Variants in NRXN1 observed in about 807,000 individuals in gnomAD.
NRXN1 encodes the protein neurexin-1.
Under a neutral mutation model 150.9 loss-of-function variants are expected in NRXN1, and 39 were observed. The ratio of observed to expected loss-of-function variants is 0.26; its 90% CI spans 0.20 to 0.34. NRXN1 has a LOEUF of 0.34. Ranked by LOEUF, NRXN1 falls within the 10% of genes least tolerant of loss-of-function variation. The pLI, the probability that NRXN1 is intolerant of heterozygous loss-of-function variation, is 1.00. For synonymous variants in NRXN1, 924 were observed against 757.0 expected, an observed-to-expected ratio of 1.22 and a Z score of -3.62; for missense variants, 1,815 against 1,949.9, an observed-to-expected ratio of 0.93 and a Z score of 1.30.
chr2:50,956,577 G>C (rs1692319754), intron 2 of NRXN1, among the ~76,000 whole-genome samples: 1 of 151,844 alleles, frequency 6.6e-6, no homozygotes, highest in Non-Finnish European at 1.5e-5. Context: ...GCAAAACCCT[G>C]TCTATACTAA....
intron 17 of NRXN1, among the ~76,000 whole-genome samples, chr2:50,403,571 A>G (rs1209706794): frequency 6.6e-6 from 1 of 152,082 alleles, no homozygotes. Context: ...TACTTGGAGA[A>G]ATTAAATTAG....
At chr2:50,267,561 G>A (rs2152919817) in intron 17 of NRXN1, among the ~76,000 whole-genome samples, 1 of 152,102 alleles carries the variant, frequency 6.6e-6, no homozygotes, top group South Asian at 2.1e-4. Context: ...CATTCTTTGG[G>A]GAGCAAATGT....
chr2:50,005,799 C>T (rs1367640873), intron 21 of NRXN1, among the ~76,000 whole-genome samples: 2 of 152,152 alleles, frequency 1.3e-5, no homozygotes, highest in South Asian at 2.1e-4. Flanking sequence ...TGCATCTTCA[C>T]AATCTTTGCT....
chr2:50,182,186 T>G (rs2060771723), intron 18 of NRXN1, among the ~76,000 whole-genome samples: 1 of 150,156 alleles, frequency 6.7e-6, no homozygotes, highest in Non-Finnish European at 1.5e-5. Context: ...ATAAAGCCAC[T>G]ATCGGTTTGG....
At chr2:50,393,511 A>G (rs913972715) in intron 17 of NRXN1, among the ~76,000 whole-genome samples, 7 of 152,160 alleles carry the variant, frequency 4.6e-5, no homozygotes, top group Admixed American at 3.3e-4. Context: ...TTGGCTGTGG[A>G]AAACAGAAAG....
chr2:50,587,236 A>G (rs1573663156), intron 8 of NRXN1, among the ~76,000 whole-genome samples: 1 of 152,390 alleles, frequency 6.6e-6, no homozygotes, highest in South Asian at 2.1e-4. Flanking sequence ...TGTAATCCCA[A>G]CTCTTTGGGA....
At chr2:50,297,430 TA>T (rs1391175385) in intron 17 of NRXN1, among the ~76,000 whole-genome samples, 1 of 152,196 alleles carries the variant, frequency 6.6e-6, no homozygotes, top group Non-Finnish European at 1.5e-5. Flanking sequence ...GCCTGTACCT[TA>T]CAAGCATCAG....
chr2:50,997,500 G>T (rs1253399597), intron 2 of NRXN1, among the ~76,000 whole-genome samples: 1 of 109,832 alleles, frequency 9.1e-6, no homozygotes, highest in African/African-American at 5.5e-5. Flanking sequence ...ATTTGAAGGG[G>T]AAAACATTTT....
At chr2:50,989,640 T>C (rs930573700) in intron 2 of NRXN1, among the ~76,000 whole-genome samples, 2 of 152,020 alleles carry the variant, frequency 1.3e-5, no homozygotes, top group African/African-American at 4.8e-5. Flanking sequence ...ATTTTGTTCT[T>C]CTTACTGTTG....
chr2:50,777,990 C>T (rs1574442536), intron 5 of NRXN1, among the ~76,000 whole-genome samples: 1 of 152,150 alleles, frequency 6.6e-6, no homozygotes, highest in East Asian at 1.9e-4. Context: ...TGCAGCAGGT[C>T]TCTGAACAAG....
chr2:50,470,181 AAAAAT>A (rs1336818396), intron 16 of NRXN1, among the ~76,000 whole-genome samples: 1 of 151,686 alleles, frequency 6.6e-6, no homozygotes, highest in Non-Finnish European at 1.5e-5. Flanking sequence ...CCTTTCTTTA[AAAAAT>A]AAAATAAAAT....
chr2:50,712,004 A>G (rs1296429191), intron 5 of NRXN1, among the ~76,000 whole-genome samples: 1 of 152,124 alleles, frequency 6.6e-6, no homozygotes, highest in Non-Finnish European at 1.5e-5. Flanking sequence ...CCAGTTTATA[A>G]TATTTTGTCA....
chr2:50,243,141 A>G (rs983672318), intron 17 of NRXN1, among the ~76,000 whole-genome samples: 3 of 151,720 alleles, frequency 2.0e-5, no homozygotes, highest in South Asian at 2.1e-4. Context: ...TTATATTGTA[A>G]ATTTCAAAAT....
intron 5 of NRXN1, among the ~76,000 whole-genome samples, chr2:50,846,806 A>G (rs1673724263): frequency 6.6e-6 from 1 of 152,164 alleles, no homozygotes; most frequent in African/African-American, 2.4e-5. Context: ...AGCCCCTATA[A>G]CAAAAGACGG....
intron 22 of NRXN1, among the ~76,000 whole-genome samples, chr2:49,937,081 T>C (rs1671175413): frequency 6.6e-6 from 1 of 152,172 alleles, no homozygotes; most frequent in Non-Finnish European, 1.5e-5. Context: ...CTTCGTAATA[T>C]AAACATCAGA....
chr2:50,618,102 C>T (rs981045140), intron 8 of NRXN1, among the ~76,000 whole-genome samples: 1 of 152,116 alleles, frequency 6.6e-6, no homozygotes, highest in African/African-American at 2.4e-5. Context: ...TTACTCTTCT[C>T]TGTATAAAGC....
intron 21 of NRXN1, among the ~76,000 whole-genome samples, chr2:49,993,338 C>CAT (rs1462757373): frequency 6.6e-6 from 1 of 152,064 alleles, no homozygotes; most frequent in African/African-American, 2.4e-5. Flanking sequence ...TAATTCCAAC[C>CAT]ATATGACATT....
chr2:50,030,564 G>T (rs905167050), intron 21 of NRXN1, among the ~76,000 whole-genome samples: 1 of 152,050 alleles, frequency 6.6e-6, no homozygotes, highest in Non-Finnish European at 1.5e-5. Context: ...CCAACACTTT[G>T]TTTCTTCAGA....
At chr2:50,912,107 C>G (rs1684609931) in intron 5 of NRXN1, 1 of 151,782 alleles carries the variant, frequency 6.6e-6, no homozygotes, top group African/African-American at 2.4e-5. Flanking sequence ...AACAAAAATC[C>G]TCACCATGAA....
Sources: allele counts gnomAD v4.1 joint callset (sites outside exome capture counted in the v4.1 genomes callset), GRCh38; gene constraint gnomAD v4.1.1; transcripts MANE v1.5; gene names NCBI Gene and HGNC (gene_info 2026-07-23, HGNC 2026-07-21).